WASF2: variants seen among roughly 807,000 people sequenced by gnomAD.
WASF2 encodes the protein actin-binding protein WASF2.
A neutral mutation model predicts 45.0 loss-of-function variants in WASF2; 14 were observed. The observed-to-expected ratio is 0.31, with a 90% confidence interval of 0.21 to 0.49. WASF2 has a LOEUF of 0.49. Among genes scored for constraint, WASF2 ranks in the 20% least tolerant of loss-of-function variants. The probability of loss-of-function intolerance (pLI) is 0.99; values close to 1 mark genes in which losing one functional copy is unlikely to be tolerated. For synonymous variants in WASF2, 200 were observed against 236.3 expected (o/e 0.85, Z 1.41); for missense variants, 439 against 636.1 (o/e 0.69, Z 3.33).
chr1:27,460,821 T>A (rs1186195893), intron 1 of WASF2, among the ~76,000 whole-genome samples: 1 of 152,198 alleles, frequency 6.6e-6, no homozygotes, highest in Non-Finnish European at 1.5e-5. Context: ...CTCTGCTAAA[T>A]ATACTCTTCA....
chr1:27,466,993 T>C (rs1049333077), intron 1 of WASF2, among the ~76,000 whole-genome samples: 1 of 151,970 alleles, frequency 6.6e-6, no homozygotes, highest in Non-Finnish European at 1.5e-5. Context: ...GGCAGGCAGA[T>C]TGTTTGAGCC....
In WASF2 at chr1:27,411,589, C is replaced by T. The variant is rs147623379; in HGVS notation, c.824+983G>A. ...AGTTAAAGCTAAGGAAAAGGCTGGG[C>T]ATGGTGGCTCATGCCTGTAATCCCA... On this transcript the variant is annotated intron_variant, in intron 7 of 8. Coordinates refer to ENST00000618852, the MANE Select transcript of WASF2 (RefSeq NM_006990.5). 6.0e-3 allele frequency among the ~76,000 whole-genome samples: 913 copies of T among 152,306 alleles called. 18 individuals carry two copies. Among genetic ancestry groups the T allele is most frequent in the South Asian group, 0.021 (103 of 4,828 alleles).
At chr1:27,487,580 TTATA>T (rs1242979549) in intron 1 of WASF2, among the ~76,000 whole-genome samples, 2 of 97,642 alleles carry the variant, frequency 2.0e-5, no homozygotes, top group Non-Finnish European at 3.7e-5. Context: ...ATAATATATA[TTATA>T]TATATTTTAT....
chr1:27,464,539 C>T (rs1439662381), intron 1 of WASF2, among the ~76,000 whole-genome samples: 2 of 152,020 alleles, frequency 1.3e-5, no homozygotes, highest in African/African-American at 4.8e-5. Context: ...TAAATTAAAG[C>T]TCAAAGAGGT....
At chr1:27,408,685 G>A (rs952317095) in intron 8 of WASF2, among the ~76,000 whole-genome samples, 1 of 152,100 alleles carries the variant, frequency 6.6e-6, no homozygotes, top group African/African-American at 2.4e-5. Context: ...GGGCTCAGCT[G>A]CCATAGACTG....
intron 2 of WASF2, among the ~76,000 whole-genome samples, chr1:27,425,922 A>G (rs2148110296): frequency 6.6e-6 from 1 of 151,142 alleles, no homozygotes; most frequent in Admixed American, 6.6e-5. Context: ...CTCAGGCAGG[A>G]GAATCACTTG....
chr1:27,404,231 G>A lies in WASF2; in HGVS notation c.*3958C>T, dbSNP rs1317724689. ...AATACCACAAACACCAGAGGTGGCT[G>A]AGTGGCTACAAAGACTTTATCAAAT... On this transcript the variant is annotated 3_prime_UTR_variant, in exon 9 of 9. Transcript: ENST00000618852. The A allele has an allele frequency of 6.6e-6, 1 of 152,218 alleles. No homozygotes were observed. The highest frequency in any genetic ancestry group is 2.4e-5 in the African/African-American group (1 of 41,450). The allele number at this position is 152,218 out of a possible 1,614,324, so 9.4% of individuals were successfully genotyped here. A position where few individuals can be genotyped will look rare whatever the true frequency, so the allele number is the denominator to read the frequency against.
At chr1:27,449,277 C>T (rs752237751) in intron 1 of WASF2, among the ~76,000 whole-genome samples, 31 of 152,144 alleles carry the variant, frequency 2.0e-4, no homozygotes, top group African/African-American at 6.3e-4. Flanking sequence ...CCTACCACCA[C>T]GCTAGGTACC....
intron 8 of WASF2, among the ~76,000 whole-genome samples, chr1:27,409,163 G>A (rs140119009): frequency 1.3e-5 from 2 of 152,004 alleles, no homozygotes; most frequent in African/African-American, 2.4e-5. Context: ...GGTGGCTCAC[G>A]CCTGTAATCC....
At chr1:27,429,002 T>A in intron 1 of WASF2, 69 bp from the exon 2 acceptor site, 705 of 169,678 alleles carry the variant, frequency 4.2e-3, no homozygotes, top group Non-Finnish European at 6.1e-3. Context: ...TGTGTGAATC[T>A]TTTTTTTTTT....
intron 5 of WASF2, among the ~76,000 whole-genome samples, chr1:27,415,579 G>A (rs982753406): frequency 2.0e-5 from 3 of 152,142 alleles, no homozygotes; most frequent in Non-Finnish European, 4.4e-5. Flanking sequence ...CGTAGCGAAG[G>A]CATTAAACTG....
At chr1:27,487,744 A>T (rs1557626871) in intron 1 of WASF2, among the ~76,000 whole-genome samples, 1 of 127,232 alleles carries the variant, frequency 7.9e-6, no homozygotes, top group Non-Finnish European at 1.6e-5. Context: ...AATGTATATC[A>T]TATTATATAA....
intron 1 of WASF2, among the ~76,000 whole-genome samples, chr1:27,429,387 A>C (rs954026451): frequency 1.2e-4 from 18 of 152,210 alleles, no homozygotes; most frequent in African/African-American, 4.3e-4. Context: ...CTGTCACCTG[A>C]TAATCTCCAC....
chr1:27,459,767 C>G (rs2017519802), intron 1 of WASF2, among the ~76,000 whole-genome samples: 3 of 152,126 alleles, frequency 2.0e-5, no homozygotes, highest in Admixed American at 6.6e-5. Context: ...TTTCAGTGTC[C>G]TTGCCTGTCC....
In WASF2 at chr1:27,428,165, A is replaced by G. The variant is rs541908505; in HGVS notation, c.130+596T>C. Among the ~76,000 whole-genome samples the G allele has an allele frequency of 2.6e-5, 4 of 152,252 alleles. No individual in the cohort carries two copies. The East Asian group carries it at 7.7e-4, about 29-fold the overall frequency. ...GTTCACACAGCTTGCAAAACTCCCA[A>G]TACCCCAGAGACTGCAGAAGTAATC... On this transcript the variant is annotated intron_variant, in intron 2 of 8. Coordinates refer to ENST00000618852, the MANE Select transcript of WASF2 (RefSeq NM_006990.5).
chr1:27,487,614 ATATATATTT>A (rs1178117377), intron 1 of WASF2, among the ~76,000 whole-genome samples: 1 of 99,692 alleles, frequency 1.0e-5, no homozygotes, highest in African/African-American at 4.2e-5. Flanking sequence ...AATATATATT[ATATATATTT>A]TATACAATAT....
intron 1 of WASF2, among the ~76,000 whole-genome samples, chr1:27,477,472 G>C (rs898522376): frequency 6.6e-6 from 1 of 152,190 alleles, no homozygotes; most frequent in Admixed American, 6.5e-5. Flanking sequence ...CCAGGCAGGT[G>C]GAAGTTGCAG....
At chr1:27,422,524 C>A (rs2016922833) in intron 2 of WASF2, among the ~76,000 whole-genome samples, 1 of 146,536 alleles carries the variant, frequency 6.8e-6, no homozygotes, top group East Asian at 2.0e-4. Flanking sequence ...GAGGCTGAGG[C>A]AGGAGAATTG....
At chr1:27,478,198 A>T (rs981619664) in intron 1 of WASF2, among the ~76,000 whole-genome samples, 2 of 151,580 alleles carry the variant, frequency 1.3e-5, no homozygotes, top group Non-Finnish European at 2.9e-5. Flanking sequence ...GGACAGAGGG[A>T]AGACTCTACC....
Sources: gnomAD v4.1 joint callset for allele counts (sites outside exome capture counted in the v4.1 genomes callset) on GRCh38, gnomAD v4.1.1 for gene constraint, MANE v1.5 for transcripts, NCBI Gene and HGNC (gene_info 2026-07-23, HGNC 2026-07-21) for gene names.